The following PREX2 variants were observed in gnomAD, a reference collection of about 807,000 sequenced individuals.
PREX2 encodes phosphatidylinositol 3,4,5-trisphosphate-dependent Rac exchanger 2 protein.
A neutral mutation model predicts 203.2 loss-of-function variants in PREX2; 107 were observed. The observed-to-expected ratio is 0.53, with a 90% CI of 0.45 to 0.62. The LOEUF is 0.62. PREX2 is among the 20% of genes least tolerant of loss of function. The probability of loss-of-function intolerance (pLI) is 0.00; values close to 1 mark genes in which losing one functional copy is unlikely to be tolerated. For synonymous variants in PREX2, 672 were observed against 663.6 expected, an observed-to-expected ratio of 1.01 and a Z score of -0.19; for missense variants, 1,777 against 1,955.9, an observed-to-expected ratio of 0.91 and a Z score of 1.72.
chr8:68,160,717 C>G (rs1034917458), intron 35 of PREX2, among the ~76,000 whole-genome samples: 1 of 152,100 alleles, frequency 6.6e-6, no homozygotes, highest in African/African-American at 2.4e-5. Context: ...AAATGAGATT[C>G]ATTTAGCCAA....
intron 37 of PREX2, among the ~76,000 whole-genome samples, chr8:68,194,629 A>T (rs1374265528): frequency 1.6e-5 from 1 of 62,898 alleles, no homozygotes; most frequent in African/African-American, 5.1e-5. Context: ...CATCTCTACT[A>T]AAAAAAAAAA....
intron 8 of PREX2, among the ~76,000 whole-genome samples, chr8:68,047,220 C>T (rs1434771): frequency 0.59 from 89,136 of 151,600 alleles, 28,160 homozygotes; most frequent in African/African-American, 0.83. Context: ...ATTTCCAGCA[C>T]AGCATCTTCA....
chr8:67,978,163 A>G (rs1464876189), intron 1 of PREX2, among the ~76,000 whole-genome samples: 1 of 152,126 alleles, frequency 6.6e-6, no homozygotes, highest in Non-Finnish European at 1.5e-5. Context: ...CCACTGCAGA[A>G]TTGATTGCTT....
chr8:68,180,044 T>C (rs1454634480), intron 35 of PREX2, among the ~76,000 whole-genome samples: 1 of 152,150 alleles, frequency 6.6e-6, no homozygotes, highest in Non-Finnish European at 1.5e-5. Context: ...TTTCATCAAT[T>C]GTTTCCTTCA....
At chr8:68,210,294 T>G (rs889131697) in intron 37 of PREX2, among the ~76,000 whole-genome samples, 3 of 152,242 alleles carry the variant, frequency 2.0e-5, no homozygotes, top group African/African-American at 7.2e-5. Context: ...TGTCAATTTA[T>G]GGCAAATTGT....
intron 30 of PREX2, among the ~76,000 whole-genome samples, chr8:68,126,780 A>T (rs1810898848): frequency 6.6e-6 from 1 of 152,092 alleles, no homozygotes; most frequent in Non-Finnish European, 1.5e-5. Context: ...TTCGTATGAA[A>T]TTCATACACA....
intron 7 of PREX2, among the ~76,000 whole-genome samples, chr8:68,043,156 A>AT: frequency 6.6e-6 from 1 of 152,190 alleles, no homozygotes; most frequent in South Asian, 2.1e-4. Flanking sequence ...TGTGAGGCCA[A>AT]TTTTCATAGC....
At chr8:68,133,563 T>C (rs1811050372) in intron 31 of PREX2, among the ~76,000 whole-genome samples, 1 of 152,180 alleles carries the variant, frequency 6.6e-6, no homozygotes, top group Admixed American at 6.5e-5. Flanking sequence ...CAATTGAACA[T>C]CGTATACTCT....
chr8:68,001,815 A>G (rs893293016), intron 1 of PREX2, among the ~76,000 whole-genome samples: 3 of 152,230 alleles, frequency 2.0e-5, no homozygotes, highest in Admixed American at 6.5e-5. Context: ...GCTGAAGGCC[A>G]TTGTCCTTAG....
At chr8:68,025,145 A>T (rs916397266) in intron 4 of PREX2, among the ~76,000 whole-genome samples, 1 of 151,622 alleles carries the variant, frequency 6.6e-6, no homozygotes, top group Non-Finnish European at 1.5e-5. Flanking sequence ...AGCCCTTAGT[A>T]CTTCTTCTTC....
Position 68,022,143 on chromosome 8 carries a change from A to G in PREX2, c.441+3A>G. The G allele has an allele frequency of 2.1e-6, 3 of 1,410,930 alleles. No individual in the cohort carries two copies. The highest frequency in any genetic ancestry group is 3.0e-6 in the Non-Finnish European group (3 of 995,264). The allele number at this position is 1,410,930 out of a possible 1,614,324, so 87.4% of individuals were successfully genotyped here. A position where few individuals can be genotyped will look rare whatever the true frequency, so the allele number is the denominator to read the frequency against. On this transcript the variant is annotated splice_donor_region_variant and intron_variant, in intron 4 of 39. Coordinates refer to ENST00000288368, the MANE Select transcript of PREX2 (RefSeq NM_024870.4). The stretch of plus-strand genomic sequence containing the variant: ...GAACAATCCGGACATTTCTTTTGGT[A>G]AGTGTATATTTATGTGTTACTGTAT...
At chr8:67,982,862 A>G (rs1327056015) in intron 1 of PREX2, among the ~76,000 whole-genome samples, 1 of 152,182 alleles carries the variant, frequency 6.6e-6, no homozygotes, top group Non-Finnish European at 1.5e-5. Context: ...CCGCCTTAAC[A>G]TTATATTTAC....
intron 1 of PREX2, 135 bp from the exon 2 acceptor site, chr8:68,017,711 C>CA (rs1163197055): frequency 3.0e-6 from 2 of 674,650 alleles, no homozygotes; most frequent in Admixed American, 2.4e-5. Flanking sequence ...TTCTGTGTTA[C>CA]AACAAAACTA....
At chr8:67,957,311 G>A (rs1010988034) in intron 1 of PREX2, among the ~76,000 whole-genome samples, 1 of 149,074 alleles carries the variant, frequency 6.7e-6, no homozygotes, top group Admixed American at 6.7e-5. Context: ...AACAACCACA[G>A]TTAGTATGGC....
chr8:67,967,983 T>A (rs772022786), intron 1 of PREX2, among the ~76,000 whole-genome samples: 42 of 151,300 alleles, frequency 2.8e-4, no homozygotes, highest in Non-Finnish European at 5.0e-4. Context: ...AAATGACGAG[T>A]TAATGGATGC....
intron 35 of PREX2, among the ~76,000 whole-genome samples, chr8:68,175,335 G>A (rs866459057): frequency 1.5e-4 from 23 of 152,242 alleles, no homozygotes; most frequent in Admixed American, 2.6e-4. Context: ...GATGCCAGCT[G>A]AGACACTTCA....
At chr8:68,227,365 G>C (rs918976620) in intron 39 of PREX2, among the ~76,000 whole-genome samples, 1 of 152,126 alleles carries the variant, frequency 6.6e-6, no homozygotes, top group Admixed American at 6.5e-5. Context: ...ATGAGGTGCT[G>C]GTGGTTCTTT....
intron 35 of PREX2, among the ~76,000 whole-genome samples, chr8:68,180,955 A>G (rs371110458): frequency 6.6e-6 from 1 of 152,174 alleles, no homozygotes; most frequent in South Asian, 2.1e-4. Context: ...CTTCACTAGA[A>G]TGAACTTGGT....
intron 35 of PREX2, among the ~76,000 whole-genome samples, chr8:68,179,889 A>G (rs2129614409): frequency 6.6e-6 from 1 of 152,234 alleles, no homozygotes; most frequent in Middle Eastern, 3.4e-3. Flanking sequence ...TACATAGTTT[A>G]TCAACAATAA....
Sources: gnomAD v4.1 joint callset for allele counts (sites outside exome capture counted in the v4.1 genomes callset) on GRCh38, gnomAD v4.1.1 for gene constraint, MANE v1.5 for transcripts, NCBI Gene and HGNC (gene_info 2026-07-23, HGNC 2026-07-21) for gene names.